Variants in SLIT3 observed in about 807,000 individuals in gnomAD.
The protein encoded by SLIT3 is slit homolog 3 protein.
SLIT3 carries 68 observed loss-of-function variants against 184.0 expected under a neutral mutation model. That is an observed-to-expected ratio of 0.37 (90% CI 0.30 to 0.45). SLIT3 has a LOEUF of 0.45. Among genes scored for constraint, SLIT3 ranks in the 20% least tolerant of loss-of-function variants. The pLI, the probability that SLIT3 is intolerant of heterozygous loss-of-function variation, is 1.00. For missense variants in SLIT3, 1,707 were observed against 2,026.0 expected, an observed-to-expected ratio of 0.84 and a Z score of 3.02; for synonymous variants, 831 against 828.6, an observed-to-expected ratio of 1.00 and a Z score of -0.05.
intron 4 of SLIT3, among the ~76,000 whole-genome samples, chr5:169,090,950 C>A (rs1759561583): frequency 6.6e-6 from 1 of 152,210 alleles, no homozygotes; most frequent in Admixed American, 6.5e-5. Flanking sequence ...CCATCGTATT[C>A]CCAAAACAGC....
intron 22 of SLIT3, 48 bp from the exon 23 acceptor site, chr5:168,722,375 C>G: frequency 6.7e-7 from 1 of 1,500,696 alleles, no homozygotes; most frequent in Non-Finnish European, 9.3e-7. Context: ...TATTCTCTAC[C>G]ATGCATAGGT....
chr5:169,089,058 A>AAAAAAT (rs1759461176), intron 4 of SLIT3, among the ~76,000 whole-genome samples: 1 of 137,254 alleles, frequency 7.3e-6, no homozygotes, highest in African/African-American at 2.6e-5. Flanking sequence ...AAAAAAAAGA[A>AAAAAAT]GTGCTGACTC....
At chr5:169,114,612 T>A (rs1189646148) in intron 4 of SLIT3, among the ~76,000 whole-genome samples, 1 of 152,156 alleles carries the variant, frequency 6.6e-6, no homozygotes, top group Non-Finnish European at 1.5e-5. Flanking sequence ...GACATTGCAA[T>A]TTCAGTACAT....
At chr5:168,932,598 C>T (rs1037711711) in intron 4 of SLIT3, among the ~76,000 whole-genome samples, 8 of 152,160 alleles carry the variant, frequency 5.3e-5, no homozygotes, top group African/African-American at 1.9e-4. Context: ...TGCCCAGGGA[C>T]ACCCCGTGGG....
At chr5:168,715,485 G>T (rs1762694362) in intron 23 of SLIT3, among the ~76,000 whole-genome samples, 1 of 152,146 alleles carries the variant, frequency 6.6e-6, no homozygotes, top group Admixed American at 6.5e-5. Flanking sequence ...GGGAGCCAAG[G>T]AGAGACACTT....
chr5:169,162,508 G>T (rs1762512245), intron 4 of SLIT3, among the ~76,000 whole-genome samples: 1 of 152,192 alleles, frequency 6.6e-6, no homozygotes, highest in Non-Finnish European at 1.5e-5. Flanking sequence ...TGTGCCAGAT[G>T]CCATGGGGAC....
chr5:169,039,452 G>A (rs770292085), intron 4 of SLIT3, among the ~76,000 whole-genome samples: 2 of 151,864 alleles, frequency 1.3e-5, no homozygotes, highest in Non-Finnish European at 2.9e-5. Context: ...GAGTAGCTAG[G>A]ACTATAGGCG....
At chr5:168,850,851 T>C (rs1758642394) in intron 5 of SLIT3, among the ~76,000 whole-genome samples, 1 of 152,154 alleles carries the variant, frequency 6.6e-6, no homozygotes, top group Non-Finnish European at 1.5e-5. Context: ...CAAACAGCGA[T>C]GATGGATTAG....
chr5:169,117,746 C>T (rs1276980928), intron 4 of SLIT3, among the ~76,000 whole-genome samples: 1 of 152,190 alleles, frequency 6.6e-6, no homozygotes, highest in Non-Finnish European at 1.5e-5. Context: ...CCAAAGGGGT[C>T]TCTATTCTCA....
At position 168,756,606 on chromosome 5, in the gene SLIT3, G is replaced by C. The variant is rs141073790; in HGVS notation, c.1686-2599C>G. Among the ~76,000 whole-genome samples the C allele has an allele frequency of 7.5e-3, 1,141 of 152,248 alleles. 12 individuals are homozygous for C. Among genetic ancestry groups the C allele is most frequent in the Middle Eastern group, 0.014 (4 of 294 alleles). On this transcript the variant is annotated intron_variant, in intron 16 of 35. Coordinates refer to ENST00000519560, the MANE Select transcript of SLIT3 (RefSeq NM_003062.4). ...TGCCTGGTTCTCCTTAAACTTGGCCGGTTTTCTTATAAATCCTGGTAGCCC... is the reference window on the plus strand; with the variant it reads ...TGCCTGGTTCTCCTTAAACTTGGCCCGTTTTCTTATAAATCCTGGTAGCCC...
At chr5:168,894,724 G>C (rs554378168) in intron 4 of SLIT3, among the ~76,000 whole-genome samples, 14 of 152,136 alleles carry the variant, frequency 9.2e-5, no homozygotes, top group Non-Finnish European at 2.1e-4. Flanking sequence ...GGCCTGAGAG[G>C]GTACAATAGA....
At chr5:169,167,873 C>T (rs1259111798) in intron 4 of SLIT3, among the ~76,000 whole-genome samples, 1 of 152,250 alleles carries the variant, frequency 6.6e-6, no homozygotes, top group African/African-American at 2.4e-5. Flanking sequence ...TCTCTGGCCA[C>T]TGGCCATATG....
At chr5:169,208,856 A>C (rs1764160962) in intron 3 of SLIT3, among the ~76,000 whole-genome samples, 1 of 152,228 alleles carries the variant, frequency 6.6e-6, no homozygotes, top group Non-Finnish European at 1.5e-5. Flanking sequence ...AAAACCCTAC[A>C]AGAAAACCTA....
At chr5:168,871,268 C>T (rs1343313365) in intron 5 of SLIT3, among the ~76,000 whole-genome samples, 1 of 152,174 alleles carries the variant, frequency 6.6e-6, no homozygotes, top group Non-Finnish European at 1.5e-5. Context: ...GATAATCTAT[C>T]CACTTGAAGA....
At chr5:169,179,594 T>C (rs568551204) in intron 4 of SLIT3, among the ~76,000 whole-genome samples, 1 of 152,164 alleles carries the variant, frequency 6.6e-6, no homozygotes, top group East Asian at 1.9e-4. Flanking sequence ...TCTTTCTCTT[T>C]GGTGGGAGAC....
intron 18 of SLIT3, 125 bp from the exon 19 acceptor site, chr5:168,749,760 T>G (rs2113462354): frequency 5.4e-6 from 5 of 928,528 alleles, no homozygotes; most frequent in Non-Finnish European, 8.2e-6. Context: ...ACGTAGGCTC[T>G]TCCCCAGATG....
At chr5:168,826,074 C>G (rs1020264617) in intron 6 of SLIT3, among the ~76,000 whole-genome samples, 2 of 152,216 alleles carry the variant, frequency 1.3e-5, no homozygotes, top group African/African-American at 4.8e-5. Flanking sequence ...CACAGCCTGG[C>G]TCTAATTTAG....
At chr5:169,033,150 T>C (rs193264699) in intron 4 of SLIT3, among the ~76,000 whole-genome samples, 1 of 148,724 alleles carries the variant, frequency 6.7e-6, no homozygotes, top group East Asian at 1.9e-4. Context: ...TTCTGTACAG[T>C]TGGGTTTTTG....
At chr5:168,998,743 G>A (rs919978284) in intron 4 of SLIT3, among the ~76,000 whole-genome samples, 12 of 133,382 alleles carry the variant, frequency 9.0e-5, no homozygotes, top group African/African-American at 3.4e-4. Flanking sequence ...CAAAACAAAA[G>A]GCCATTGAAC....
Sources: gnomAD v4.1 joint callset for allele counts (sites outside exome capture counted in the v4.1 genomes callset) on GRCh38, gnomAD v4.1.1 for gene constraint, MANE v1.5 for transcripts, NCBI Gene and HGNC (gene_info 2026-07-23, HGNC 2026-07-21) for gene names.